BRK1: variants seen among roughly 807,000 people sequenced by gnomAD.
BRK1 encodes protein BRICK1.
BRK1 carries 6 observed loss-of-function variants against 9.9 expected under a neutral mutation model. The observed-to-expected ratio is 0.60, with a 90% CI of 0.33 to 1.19. BRK1 has a LOEUF of 1.19. Ranked by LOEUF, BRK1 falls within the 50% of genes most tolerant of loss-of-function variation. The pLI is 0.04. For missense variants in BRK1, 62 were observed against 97.5 expected, an observed-to-expected ratio of 0.64 and a Z score of 1.53; for synonymous variants, 44 against 31.9, an observed-to-expected ratio of 1.38 and a Z score of -1.28.
chr3:10,118,841 C>T (rs1276345466), intron 1 of BRK1, among the ~76,000 whole-genome samples: 2 of 152,090 alleles, frequency 1.3e-5, no homozygotes, highest in Non-Finnish European at 2.9e-5. Flanking sequence ...TCTCCTGCCT[C>T]CCCTTCCACC....
At position 10,126,457 on chromosome 3, in the gene BRK1, G is replaced by C. The variant is rs1050916120; in HGVS notation, c.*162G>C. On this transcript the variant is annotated 3_prime_UTR_variant, in exon 3 of 3. Transcript: ENST00000530758. ...TGGCCTTTGGGCTCTGCCATCTGGG[G>C]TGTGGTGTGGTATGTGGGAAGAAGT... is the stretch of plus-strand genomic sequence containing the variant. 1.7e-6 allele frequency: 1 copy of C among 597,318 alleles called. No individual in the cohort carries two copies. The highest frequency in any genetic ancestry group is 2.9e-6 in the Non-Finnish European group (1 of 349,032). The allele number at this position is 597,318 out of a possible 1,614,324, so 37.0% of individuals were successfully genotyped here. A position where few individuals can be genotyped will look rare whatever the true frequency, so the allele number is the denominator to read the frequency against.
rs1695837170 is a variant in BRK1 at position 10,126,148 on chromosome 3, G to T, written c.202-121G>T. ...TTGCCTGGATTTGAACCATGTTTCT[G>T]TGACTTCACAGCTATCTTCTTTTCT... On this transcript the variant is annotated intron_variant, in intron 2 of 2. Transcript: ENST00000530758. 9 of 663,228 alleles carry T rather than the reference G, an allele frequency of 1.4e-5. No homozygotes were observed. The East Asian group carries it at 2.7e-4, about 20-fold the overall frequency. The allele number at this position is 663,228 out of a possible 1,614,324, so 41.1% of individuals were successfully genotyped here.
At chr3:10,116,213 T>A (rs931520720) in intron 1 of BRK1, among the ~76,000 whole-genome samples, 1 of 152,198 alleles carries the variant, frequency 6.6e-6, no homozygotes, top group African/African-American at 2.4e-5. Flanking sequence ...CACTCCTCTG[T>A]TTCAAGACTG....
intron 1 of BRK1, among the ~76,000 whole-genome samples, chr3:10,122,149 C>T (rs1287127704): frequency 1.3e-5 from 2 of 149,172 alleles, no homozygotes; most frequent in African/African-American, 5.0e-5. Flanking sequence ...GTCTTGAACT[C>T]CGACCTCAGG....
chr3:10,122,174 C>T (rs1357549294), intron 1 of BRK1, among the ~76,000 whole-genome samples: 1 of 151,844 alleles, frequency 6.6e-6, no homozygotes, highest in Non-Finnish European at 1.5e-5. Flanking sequence ...CCGCCCGCCT[C>T]GGCCTCCCAA....
At position 10,115,764 on chromosome 3, in the gene BRK1, C is replaced by T. The variant is rs28364607; in HGVS notation, c.63C>T (p.Tyr21=). The T allele has an allele frequency of 5.9e-5, 95 of 1,613,904 alleles. 1 individual carries two copies. In the East Asian group the frequency reaches 2.0e-3, roughly 34 times the overall value. Residue 21 remains tyrosine, a synonymous_variant, in exon 1 of 3, where the codon TAC becomes TAT. Coordinates refer to ENST00000530758, the MANE Select transcript of BRK1 (RefSeq NM_018462.5). ...EIHQDWANRE[Y]IEIITSSIKK... ...ACCAGGACTGGGCTAACCGGGAGTA[C>T]ATTGAGATAATCACCAGCAGCATCA... is the stretch of plus-strand genomic sequence containing the variant.
chr3:10,119,575 C>A lies in BRK1; in HGVS notation c.118+3756C>A, dbSNP rs188918190. On this transcript the variant is annotated intron_variant, in intron 1 of 2. Transcript: ENST00000530758. ...TGGGCCATGTATTTTGGAGAGAGAA[C>A]TGTTGTTCTAAGATAGTGAATGACT... Among the ~76,000 whole-genome samples the A allele has an allele frequency of 9.1e-4, 138 of 152,222 alleles. 2 individuals are homozygous for A. The highest frequency in any genetic ancestry group is 3.2e-3 in the African/African-American group (131 of 41,532).
At chr3:10,123,439 T>C (rs1454977519) in intron 1 of BRK1, among the ~76,000 whole-genome samples, 1 of 99,882 alleles carries the variant, frequency 1.0e-5, no homozygotes, top group South Asian at 3.0e-4. Context: ...CTTTCTTTCC[T>C]TTTTTTTTTT....
intron 1 of BRK1, among the ~76,000 whole-genome samples, chr3:10,118,011 T>C (rs1352062007): frequency 6.6e-6 from 1 of 152,106 alleles, no homozygotes; most frequent in Non-Finnish European, 1.5e-5. Flanking sequence ...ATCCCAGCAC[T>C]TGGGGAGGCT....
chr3:10,118,156 G>A (rs1695711207), intron 1 of BRK1, among the ~76,000 whole-genome samples: 1 of 151,836 alleles, frequency 6.6e-6, no homozygotes, highest in Non-Finnish European at 1.5e-5. Context: ...AGGAGGCTGA[G>A]GCAGGAGAAT....
intron 1 of BRK1, among the ~76,000 whole-genome samples, chr3:10,118,676 C>T (rs1695717948): frequency 6.6e-6 from 1 of 152,034 alleles, no homozygotes. Flanking sequence ...TTAGTAGAGA[C>T]AGGATTCGCC....
chr3:10,125,674 C>G lies in BRK1; in HGVS notation c.167C>G (p.Ala56Gly). The G allele has an allele frequency of 6.2e-7, 1 of 1,612,850 alleles. No individual in the cohort carries two copies. Among genetic ancestry groups the G allele is most frequent in the Non-Finnish European group, 8.5e-7 (1 of 1,179,364 alleles). The change falls in exon 2 of 3, where the codon GCC becomes GGC. Residue 56 changes from alanine (A) to glycine (G), a missense_variant. Physicochemically the swap from Ala to Gly is moderately conservative, Grantham distance 60. Coordinates refer to ENST00000530758, the MANE Select transcript of BRK1 (RefSeq NM_018462.5). ...GCAACACTAAACGAGAAATTGACAG[C>G]CCTTGAACGGAGAATAGAGTACATT... ...RLATLNEKLT[A>G]LERRIEYIEA...
chr3:10,122,980 A>G (rs1484307262), intron 1 of BRK1, among the ~76,000 whole-genome samples: 1 of 152,204 alleles, frequency 6.6e-6, no homozygotes, highest in Non-Finnish European at 1.5e-5. Flanking sequence ...TTGTTAGCTA[A>G]GTGTTAAATC....
intron 1 of BRK1, among the ~76,000 whole-genome samples, chr3:10,117,519 G>T (rs530472824): frequency 6.7e-6 from 1 of 150,314 alleles, no homozygotes; most frequent in East Asian, 2.0e-4. Flanking sequence ...CCCGCCTCCT[G>T]AGTAGCTAGG....
At chr3:10,123,832 T>A (rs1249959258) in intron 1 of BRK1, among the ~76,000 whole-genome samples, 2 of 135,688 alleles carry the variant, frequency 1.5e-5, no homozygotes, top group Admixed American at 1.6e-4. Flanking sequence ...GCCTCCCAGG[T>A]TCAAGTGATT....
At chr3:10,124,490 A>G (rs1177149552) in intron 1 of BRK1, among the ~76,000 whole-genome samples, 1 of 152,024 alleles carries the variant, frequency 6.6e-6, no homozygotes, top group Non-Finnish European at 1.5e-5. Flanking sequence ...AAATTACCAC[A>G]CATTTTGTGG....
intron 1 of BRK1, among the ~76,000 whole-genome samples, chr3:10,116,050 C>T (rs995797749): frequency 1.3e-5 from 2 of 152,198 alleles, no homozygotes; most frequent in African/African-American, 2.4e-5. Flanking sequence ...TGCCATCCCT[C>T]TGGATCCATT....
intron 1 of BRK1, among the ~76,000 whole-genome samples, chr3:10,121,585 G>A (rs973006921): frequency 6.6e-6 from 1 of 151,952 alleles, no homozygotes; most frequent in African/African-American, 2.4e-5. Flanking sequence ...CAGGCAAGAT[G>A]CTAAGGTTAC....
intron 1 of BRK1, among the ~76,000 whole-genome samples, chr3:10,119,273 A>G (rs1277030367): frequency 1.3e-5 from 2 of 152,084 alleles, no homozygotes; most frequent in Non-Finnish European, 2.9e-5. Flanking sequence ...CCTGGCCAAT[A>G]TGGCGAAACC....
Sources: gnomAD v4.1 joint callset for allele counts (sites outside exome capture counted in the v4.1 genomes callset) on GRCh38, gnomAD v4.1.1 for gene constraint, MANE v1.5 for transcripts, NCBI Gene and HGNC (gene_info 2026-07-23, HGNC 2026-07-21) for gene names.